LUZP2: variants seen among roughly 807,000 people sequenced by gnomAD.
LUZP2 encodes the protein leucine zipper protein 2.
In LUZP2, 52 loss-of-function variants were observed where a neutral mutation model predicts 51.6. That is an observed-to-expected ratio of 1.01 (90% CI 0.81 to 1.27). The LOEUF is 1.27. Ranked by LOEUF, LUZP2 falls within the 50% of genes most tolerant of loss-of-function variation. The probability of loss-of-function intolerance (pLI) is 0.00; values close to 1 mark genes in which losing one functional copy is unlikely to be tolerated. For missense variants in LUZP2, 436 were observed against 395.4 expected (o/e 1.10, Z -0.87); for synonymous variants, 154 against 137.3 (o/e 1.12, Z -0.85).
intron 5 of LUZP2, among the ~76,000 whole-genome samples, chr11:24,826,700 G>A (rs1174285753): frequency 6.6e-6 from 1 of 151,996 alleles, no homozygotes; most frequent in Non-Finnish European, 1.5e-5. Context: ...AATGTCTAGA[G>A]TTTCACTGAA....
At chr11:24,558,784 A>C (rs1851946741) in intron 1 of LUZP2, among the ~76,000 whole-genome samples, 1 of 152,146 alleles carries the variant, frequency 6.6e-6, no homozygotes. Context: ...ACATGAGGAC[A>C]GTGTTTGTCA....
intron 1 of LUZP2, among the ~76,000 whole-genome samples, chr11:24,601,042 A>G (rs1199354894): frequency 1.3e-5 from 2 of 152,140 alleles, no homozygotes; most frequent in Non-Finnish European, 2.9e-5. Context: ...CTAATCAAAT[A>G]AACCTTTCTC....
At chr11:24,779,972 G>A (rs529666866) in intron 5 of LUZP2, among the ~76,000 whole-genome samples, 1 of 152,228 alleles carries the variant, frequency 6.6e-6, no homozygotes, top group African/African-American at 2.4e-5. Context: ...AGAGGCAAGG[G>A]ACATATTCTC....
At chr11:25,007,551 C>A (rs776229140) in intron 9 of LUZP2, among the ~76,000 whole-genome samples, 2 of 151,956 alleles carry the variant, frequency 1.3e-5, no homozygotes, top group Non-Finnish European at 2.9e-5. Flanking sequence ...TGCAGTGGGC[C>A]GAGCTCACAC....
At position 24,930,468 on chromosome 11, in the gene LUZP2, T is replaced by G. The variant is rs561647600; in HGVS notation, c.522+15930T>G. On this transcript the variant is annotated intron_variant, in intron 7 of 11. Transcript: ENST00000336930. ...GTATTGTTTGTCTGAAAAAGATTCA[T>G]CTTTATTTATGAAGCTTAGTTTCAC... 5.9e-5 allele frequency among the ~76,000 whole-genome samples: 9 copies of G among 152,270 alleles called. No individual in the cohort carries two copies. The East Asian group carries it at 1.7e-3, about 29-fold the overall frequency.
chr11:24,730,973 G>A (rs558944245), intron 2 of LUZP2, among the ~76,000 whole-genome samples: 133 of 151,820 alleles, frequency 8.8e-4, no homozygotes, highest in African/African-American at 3.1e-3. Context: ...TTTAACTCCT[G>A]TGAATGATTA....
intron 3 of LUZP2, among the ~76,000 whole-genome samples, chr11:24,736,469 GTCCTTCCTTCCT>G (rs61318393): frequency 0.12 from 17,528 of 146,256 alleles, 1,214 homozygotes; most frequent in Admixed American, 0.17. Context: ...TAACATGTAG[GTCCTTCCTTCCT>G]TCCTTCCTTC....
chr11:24,902,587 G>A (rs78722457), intron 5 of LUZP2, among the ~76,000 whole-genome samples: 316 of 152,196 alleles, frequency 2.1e-3, no homozygotes, highest in African/African-American at 7.4e-3. Context: ...CTATAAACTT[G>A]ACAGACAGAT....
chr11:24,599,948 G>T (rs189188889), intron 1 of LUZP2, among the ~76,000 whole-genome samples: 1 of 152,104 alleles, frequency 6.6e-6, no homozygotes, highest in Non-Finnish European at 1.5e-5. Flanking sequence ...ACACATTTCA[G>T]TGCTCTTCTT....
intron 5 of LUZP2, among the ~76,000 whole-genome samples, chr11:24,818,116 C>A (rs1850239866): frequency 6.6e-6 from 1 of 151,902 alleles, no homozygotes. Flanking sequence ...GGTGCTGTCT[C>A]TTTAAATGGA....
chr11:24,977,216 C>A (rs908156739), intron 8 of LUZP2, among the ~76,000 whole-genome samples: 3 of 151,324 alleles, frequency 2.0e-5, no homozygotes, highest in African/African-American at 7.3e-5. Context: ...TTTCTATACT[C>A]AAATTTGGAA....
intron 1 of LUZP2, among the ~76,000 whole-genome samples, chr11:24,584,522 T>C (rs1245405365): frequency 6.6e-6 from 1 of 152,226 alleles, no homozygotes. Context: ...GATAAATGAC[T>C]TCATACCTCA....
chr11:24,879,692 A>G (rs192254519), intron 5 of LUZP2, among the ~76,000 whole-genome samples: 2 of 151,902 alleles, frequency 1.3e-5, no homozygotes, highest in Admixed American at 6.6e-5. Context: ...TTTTTTCCAT[A>G]TGTTTGTTGG....
chr11:24,926,100 T>A (rs1854219886), intron 7 of LUZP2, among the ~76,000 whole-genome samples: 1 of 151,474 alleles, frequency 6.6e-6, no homozygotes, highest in African/African-American at 2.4e-5. Flanking sequence ...GAGTATCCCA[T>A]GGTGTGTGTT....
At chr11:24,963,220 A>G (rs948866532) in intron 7 of LUZP2, among the ~76,000 whole-genome samples, 1 of 152,146 alleles carries the variant, frequency 6.6e-6, no homozygotes. Context: ...GGGGTCACGG[A>G]CCCACTTGAG....
intron 5 of LUZP2, among the ~76,000 whole-genome samples, chr11:24,779,809 G>A (rs550426644): frequency 5.3e-5 from 8 of 152,056 alleles, no homozygotes; most frequent in South Asian, 2.1e-4. Context: ...GTCTTTATAA[G>A]AGAAAGGCAG....
intron 1 of LUZP2, among the ~76,000 whole-genome samples, chr11:24,571,881 C>A (rs555663289): frequency 6.6e-6 from 1 of 151,962 alleles, no homozygotes; most frequent in South Asian, 2.1e-4. Flanking sequence ...ATTACATAAC[C>A]CCAAACTTTC....
At chr11:24,797,146 G>A (rs1170521127) in intron 5 of LUZP2, among the ~76,000 whole-genome samples, 1 of 152,120 alleles carries the variant, frequency 6.6e-6, no homozygotes, top group Admixed American at 6.6e-5. Flanking sequence ...GAATTAATAT[G>A]TATCAAACAC....
chr11:24,548,949 A>T (rs945766776), intron 1 of LUZP2, among the ~76,000 whole-genome samples: 1 of 151,972 alleles, frequency 6.6e-6, no homozygotes, highest in Non-Finnish European at 1.5e-5. Context: ...GGCCTAAAAC[A>T]TTAATGTATA....
Sources: gnomAD v4.1 joint callset for allele counts (sites outside exome capture counted in the v4.1 genomes callset) on GRCh38, gnomAD v4.1.1 for gene constraint, MANE v1.5 for transcripts, NCBI Gene and HGNC (gene_info 2026-07-23, HGNC 2026-07-21) for gene names.